ARFGEF2: variants seen among roughly 807,000 people sequenced by gnomAD.
The protein encoded by ARFGEF2 is ARF guanine nucleotide exchange factor 2.
A neutral mutation model predicts 219.9 loss-of-function variants in ARFGEF2; 74 were observed. That is an observed-to-expected ratio of 0.34 (90% CI 0.28 to 0.41). The LOEUF is 0.41. Ranked by LOEUF, ARFGEF2 falls within the 10% of genes least tolerant of loss-of-function variation. The pLI is 1.00. For missense variants in ARFGEF2, 1,743 were observed against 2,218.3 expected (o/e 0.79, Z 4.30); for synonymous variants, 733 against 799.2 (o/e 0.92, Z 1.40).
chr20:49,018,776 C>G (rs1291144989), intron 33 of ARFGEF2, 108 bp from the exon 34 acceptor site: 8 of 816,038 alleles, frequency 9.8e-6, no homozygotes, highest in Non-Finnish European at 1.7e-5. Flanking sequence ...TTGAGCTAAG[C>G]AAGGCACTTA....
At chr20:49,014,030 T>TG in intron 30 of ARFGEF2, 70 bp downstream of exon 30, 1 of 1,599,490 alleles carries the variant, frequency 6.3e-7, no homozygotes, top group South Asian at 1.1e-5. Flanking sequence ...TATTTGCCTC[T>TG]GGGGGCTGCA....
intron 26 of ARFGEF2, among the ~76,000 whole-genome samples, chr20:49,007,682 C>A (rs2091471017): frequency 6.7e-6 from 1 of 149,998 alleles, no homozygotes; most frequent in Non-Finnish European, 1.5e-5. Flanking sequence ...AAAAGGGTAC[C>A]AGAAAAGTTT....
intron 14 of ARFGEF2, among the ~76,000 whole-genome samples, chr20:48,978,702 T>G (rs1334327381): frequency 6.6e-6 from 1 of 152,186 alleles, no homozygotes; most frequent in Non-Finnish European, 1.5e-5. Context: ...CCTTGTAAGT[T>G]GGATTCCTAG....
intron 30 of ARFGEF2, 55 bp downstream of exon 30, chr20:49,014,015 GC>G (rs2091516449): frequency 4.4e-6 from 7 of 1,608,546 alleles, no homozygotes; most frequent in Non-Finnish European, 6.0e-6. Flanking sequence ...AGCCTTTCTG[GC>G]CGGTATTTGC....
rs1352969016 is a variant in ARFGEF2 at position 49,035,477 on chromosome 20, C to CA, written c.*2278_*2279insA. On this transcript the variant is annotated 3_prime_UTR_variant, in exon 39 of 39. Transcript: ENST00000371917. Reference sequence around the variant, plus strand: ...GATTTTTCTTGTCAGTGGACAGTGACGAACAGAGATTTGAAATCCCTTACC... The same window carrying CA: ...GATTTTTCTTGTCAGTGGACAGTGACAGAACAGAGATTTGAAATCCCTTACC... 2.0e-5 allele frequency: 3 copies of CA among 152,154 alleles called. No homozygotes were observed. Among genetic ancestry groups the CA allele is most frequent in the Admixed American group, 6.5e-5 (1 of 15,278 alleles). The allele number at this position is 152,154 out of a possible 1,614,324, so 9.4% of individuals were successfully genotyped here.
chr20:48,945,544 T>C (rs1352028406), intron 3 of ARFGEF2, among the ~76,000 whole-genome samples: 2 of 152,142 alleles, frequency 1.3e-5, no homozygotes, highest in Non-Finnish European at 2.9e-5. Flanking sequence ...TTGAGTCTTA[T>C]GGGGTATGGT....
At chr20:48,949,169 T>G (rs770984699) in intron 3 of ARFGEF2, among the ~76,000 whole-genome samples, 2 of 152,186 alleles carry the variant, frequency 1.3e-5, no homozygotes, top group East Asian at 3.9e-4. Flanking sequence ...TGAAGAGTAA[T>G]GTGCCCCTTA....
chr20:48,974,760 C>T lies in ARFGEF2; in HGVS notation c.1666-6C>T. The T allele has an allele frequency of 6.2e-7, 1 of 1,610,720 alleles. No individual in the cohort carries two copies. The highest frequency in any genetic ancestry group is 8.5e-7 in the Non-Finnish European group (1 of 1,177,756). ...AGTCTCTTTCCTGTGTGACTTCGTC[C>T]CTTAGGAGCTCAGCCTGAGGAAGAA... On this transcript the variant is annotated splice_polypyrimidine_tract_variant and splice_region_variant and intron_variant, in intron 12 of 38. Coordinates refer to ENST00000371917, the MANE Select transcript of ARFGEF2 (RefSeq NM_006420.3).
At chr20:48,936,232 C>T (rs1486601222) in intron 1 of ARFGEF2, among the ~76,000 whole-genome samples, 3 of 144,386 alleles carry the variant, frequency 2.1e-5, no homozygotes, top group South Asian at 4.4e-4. Context: ...CCGGACGGGG[C>T]GGCTGGCCGG....
At chr20:49,003,574 C>A (rs1009818844) in intron 25 of ARFGEF2, among the ~76,000 whole-genome samples, 18 of 151,952 alleles carry the variant, frequency 1.2e-4, no homozygotes, top group Middle Eastern at 3.4e-3. Context: ...CATTGCACTC[C>A]AGCCTGAGCA....
chr20:48,956,963 AATC>A (rs1269329692), intron 6 of ARFGEF2, among the ~76,000 whole-genome samples: 2 of 152,156 alleles, frequency 1.3e-5, no homozygotes, highest in Non-Finnish European at 2.9e-5. Flanking sequence ...TGATTGAATG[AATC>A]TTACCGCCCC....
chr20:48,976,728 A>C (rs2123430828), intron 14 of ARFGEF2, among the ~76,000 whole-genome samples: 1 of 152,204 alleles, frequency 6.6e-6, no homozygotes, highest in East Asian at 1.9e-4. Context: ...GAATGGCGTG[A>C]ACCTGGGAGG....
At position 48,927,937 on chromosome 20, in the gene ARFGEF2, G is replaced by A. The variant is rs1010091631; in HGVS notation, c.121+5927G>A. Among the ~76,000 whole-genome samples, 7 of 152,192 alleles carry A rather than the reference G, an allele frequency of 4.6e-5. No individual in the cohort carries two copies. In the South Asian group the frequency reaches 1.5e-3, roughly 32 times the overall value. ...GTCTGGAAGCAGCATCAAAAAACTGGATTGTTCTTGATTATTGAAAAGCAT... is the reference window on the plus strand; with the variant it reads ...GTCTGGAAGCAGCATCAAAAAACTGAATTGTTCTTGATTATTGAAAAGCAT... On this transcript the variant is annotated intron_variant, in intron 1 of 38. Transcript: ENST00000371917.
chr20:48,990,070 T>C (rs2091348696), intron 20 of ARFGEF2, among the ~76,000 whole-genome samples: 1 of 151,994 alleles, frequency 6.6e-6, no homozygotes, highest in Non-Finnish European at 1.5e-5. Flanking sequence ...TCCCAGCTAC[T>C]CGGGAGGCTG....
chr20:49,025,757 A>G (rs1468816379), intron 36 of ARFGEF2, among the ~76,000 whole-genome samples: 2 of 151,594 alleles, frequency 1.3e-5, no homozygotes, highest in African/African-American at 2.4e-5. Flanking sequence ...GCCTCAGCCA[A>G]GATCACTTGA....
intron 7 of ARFGEF2, among the ~76,000 whole-genome samples, chr20:48,964,629 T>G (rs2091176994): frequency 6.6e-6 from 1 of 152,158 alleles, no homozygotes; most frequent in South Asian, 2.1e-4. Context: ...AGGGAAGCTT[T>G]GTTTTGTTAG....
chr20:49,012,007 G>A lies in ARFGEF2; in HGVS notation c.3841G>A (p.Ala1281Thr), dbSNP rs769816652. ...VKCLSEFACNAAFPDTSMEAI... is the reference protein window; with the variant it reads ...VKCLSEFACNTAFPDTSMEAI... ...GTGCTTATCAGAGTTCGCCTGCAAC[G>A]CCGCTTTCCCTGACACGAGCATGGA... Residue 1281 changes from alanine (A) to threonine (T), a missense_variant, in exon 28 of 39, where the codon GCC becomes ACC. Transcript: ENST00000371917. The A allele has an allele frequency of 2.4e-5, 39 of 1,614,076 alleles. No homozygotes were observed. The highest frequency in any genetic ancestry group is 4.5e-5 in the East Asian group (2 of 44,896).
intron 34 of ARFGEF2, among the ~76,000 whole-genome samples, chr20:49,019,593 A>G (rs1270087840): frequency 6.6e-6 from 1 of 152,224 alleles, no homozygotes; most frequent in Non-Finnish European, 1.5e-5. Context: ...AATTCCTAAA[A>G]ATGTACTGGA....
intron 26 of ARFGEF2, among the ~76,000 whole-genome samples, chr20:49,009,019 T>TA (rs902424195): frequency 2.0e-5 from 3 of 152,228 alleles, no homozygotes; most frequent in Non-Finnish European, 4.4e-5. Flanking sequence ...AATTTTTTTT[T>TA]ATCATACTTT....
Sources: allele counts gnomAD v4.1 joint callset (sites outside exome capture counted in the v4.1 genomes callset), GRCh38; gene constraint gnomAD v4.1.1; transcripts MANE v1.5; gene names NCBI Gene and HGNC (gene_info 2026-07-23, HGNC 2026-07-21).